The following TMEM256 variants were observed in gnomAD, a reference collection of about 807,000 sequenced individuals.
TMEM256 encodes the protein transmembrane protein 256.
TMEM256 carries 14 observed loss-of-function variants against 14.8 expected under a neutral mutation model. The observed-to-expected ratio is 0.95, with a 90% CI of 0.63 to 1.48. The LOEUF is 1.48. Among genes scored for constraint, TMEM256 ranks in the 40% most tolerant of loss-of-function variants. TMEM256 has a pLI of 0.00. For synonymous variants in TMEM256, 68 were observed against 60.7 expected, an observed-to-expected ratio of 1.12 and a Z score of -0.56; for missense variants, 146 against 137.9, an observed-to-expected ratio of 1.06 and a Z score of -0.30.
chr17:7,403,131 T>G lies in TMEM256; in HGVS notation c.277A>C (p.Ile93Leu), dbSNP rs1355868622. 1.9e-6 allele frequency: 3 copies of G among 1,614,200 alleles called. No individual in the cohort carries two copies. The highest frequency in any genetic ancestry group is 2.5e-6 in the Non-Finnish European group (3 of 1,180,034). ...YYQALSGDPS[I>L]QTLAPAGGTL... ...CCTCCCGCAGGGGCCAAAGTCTGGA[T>G]GCTGGGGTCTCCACTCAGAGCCTGG... Residue 93 changes from isoleucine to leucine, a missense_variant, in exon 4 of 4, where the codon ATC becomes CTC. Transcript: ENST00000302422.
chr17:7,403,780 G>A, intron 1 of TMEM256, 91 bp from the exon 2 acceptor site: 2 of 1,380,846 alleles, frequency 1.4e-6, no homozygotes, highest in Non-Finnish European at 2.0e-6. Flanking sequence ...TGGCGAGAAA[G>A]GGCACCCCCC....
At chr17:7,403,781 G>GGC in intron 1 of TMEM256, 92 bp from the exon 2 acceptor site, 1 of 1,330,052 alleles carries the variant, frequency 7.5e-7, no homozygotes, top group Non-Finnish European at 1.0e-6. Flanking sequence ...GGCGAGAAAG[G>GGC]GCACCCCCCC....
chr17:7,403,775 A>C, intron 1 of TMEM256, 86 bp from the exon 2 acceptor site: 7 of 1,414,994 alleles, frequency 4.9e-6, no homozygotes, highest in Middle Eastern at 1.9e-4. Flanking sequence ...GACATTGGCG[A>C]GAAAGGGCAC....
chr17:7,403,948 A>AC, intron 1 of TMEM256, 52 bp downstream of exon 1: 1 of 1,496,980 alleles, frequency 6.7e-7, no homozygotes, highest in South Asian at 1.3e-5. Flanking sequence ...CTTGCAGCAG[A>AC]CCCCAGAGGA....
At chr17:7,403,262 G>A (rs1473829006) in intron 3 of TMEM256, 48 bp downstream of exon 3, 8 of 1,614,206 alleles carry the variant, frequency 5.0e-6, no homozygotes, top group South Asian at 2.2e-5. Context: ...GGCAGGCTGA[G>A]AGGGAGTGTG....
Position 7,403,334 on chromosome 17 carries a change from C to A in TMEM256, c.174G>T (p.Val58=), listed in dbSNP as rs756620413. The A allele has an allele frequency of 6.2e-7, 1 of 1,614,196 alleles. No homozygotes were observed. Among genetic ancestry groups the A allele is most frequent in the Non-Finnish European group, 8.5e-7 (1 of 1,180,030 alleles). The part of the protein sequence containing the change: ...HFLHSLALLG[V]PHCRKPLWAG... ...CCCAGAGTGGCTTTCTGCAATGGGG[C>A]ACCCCTAACAGGGCCAGGCTGTGTA... is the stretch of plus-strand genomic sequence containing the variant. The change falls in exon 3 of 4, where the codon GTG becomes GTT. Residue 58 remains valine (V), a synonymous_variant. Transcript: ENST00000302422.
chr17:7,403,634 GGA>G, intron 2 of TMEM256, 22 bp downstream of exon 2: 1 of 1,614,014 alleles, frequency 6.2e-7, no homozygotes, highest in Non-Finnish European at 8.5e-7. Context: ...CACGAGTCAG[GGA>G]GCCCCAGCGC....
At chr17:7,403,549 A>G in intron 2 of TMEM256, 109 bp downstream of exon 2, 1 of 1,549,502 alleles carries the variant, frequency 6.5e-7, no homozygotes, top group East Asian at 2.3e-5. Context: ...TTGCTGCTCC[A>G]GAGATCCGCG....
intron 1 of TMEM256, 132 bp downstream of exon 1, chr17:7,403,868 C>T (rs1211507487): frequency 4.6e-6 from 6 of 1,302,880 alleles, no homozygotes; most frequent in Non-Finnish European, 5.2e-6. Flanking sequence ...AGCTGGGGGA[C>T]TTTAAAAGGT....
Position 7,403,315 on chromosome 17 carries a change from G to A in TMEM256, c.193C>T (p.Leu65Phe), listed in dbSNP as rs1342335319. Residue 65 changes from leucine (L) to phenylalanine (F), a missense_variant, in exon 3 of 4, where the codon CTC (leucine) becomes TTC (phenylalanine). Coordinates refer to ENST00000302422, the MANE Select transcript of TMEM256 (RefSeq NM_152766.5). ...LLGVPHCRKP[L>F]WAGLLLASGT... is the part of the protein sequence containing the mutation. ...TAGGCGCAGGGAAAGATTACCCAGA[G>A]TGGCTTTCTGCAATGGGGCACCCCT... The A allele has an allele frequency of 6.2e-7, 1 of 1,614,218 alleles. No individual in the cohort carries two copies. The highest frequency in any genetic ancestry group is 8.5e-7 in the Non-Finnish European group (1 of 1,180,038).
rs762063272 is a variant in TMEM256 at position 7,404,063 on chromosome 17, A to T, written c.22T>A (p.Phe8Ile). MAGPAAA[F>I]RRLGALSGAA... ...CCGGACAAGGCGCCCAAGCGGCGGA[A>T]AGCTGCAGCTGGCCCGGCCATAGCT... Residue 8 changes from phenylalanine to isoleucine, a missense_variant, in exon 1 of 4, where the codon TTC becomes ATC. Physicochemically the swap from Phe to Ile is conservative, Grantham distance 21. Transcript: ENST00000302422. 28 of 1,598,220 alleles carry T rather than the reference A, an allele frequency of 1.8e-5. No homozygotes were observed. The highest frequency in any genetic ancestry group is 7.9e-5 in the South Asian group (7 of 88,556).
chr17:7,403,940 T>C, intron 1 of TMEM256, 60 bp downstream of exon 1: 2 of 1,491,764 alleles, frequency 1.3e-6, no homozygotes, highest in Non-Finnish European at 1.8e-6. Context: ...GTTACGCCCT[T>C]GCAGCAGACC....
At chr17:7,403,779 A>AGGGGGGGGGGGGGGG in intron 1 of TMEM256, 90 bp from the exon 2 acceptor site, 1 of 1,306,684 alleles carries the variant, frequency 7.7e-7, no homozygotes, top group Non-Finnish European at 1.0e-6. Flanking sequence ...TTGGCGAGAA[A>AGGGGGGGGGGGGGGG]GGGCACCCCC....
intron 2 of TMEM256, 55 bp from the exon 3 acceptor site, chr17:7,403,445 C>A (rs1401065710): frequency 6.4e-7 from 1 of 1,567,610 alleles, no homozygotes; most frequent in Non-Finnish European, 8.8e-7. Flanking sequence ...TACTGAGATC[C>A]CCTGATGACA....
intron 2 of TMEM256, 75 bp from the exon 3 acceptor site, chr17:7,403,465 A>G: frequency 6.6e-7 from 1 of 1,515,090 alleles, no homozygotes; most frequent in Admixed American, 1.7e-5. Context: ...ACAAGGGACC[A>G]AAGTTCCTTC....
At chr17:7,403,280 T>C in intron 3 of TMEM256, 30 bp downstream of exon 3, 1 of 1,609,094 alleles carries the variant, frequency 6.2e-7, no homozygotes. Context: ...GTGTGGGGCT[T>C]GGTCAGGGTT....
chr17:7,403,877 G>A (rs1906462524), intron 1 of TMEM256, 123 bp downstream of exon 1: 1 of 1,326,118 alleles, frequency 7.5e-7, no homozygotes, highest in Non-Finnish European at 1.0e-6. Flanking sequence ...ACTTTAAAAG[G>A]TTTAGGGCTC....
chr17:7,403,235 A>C, intron 3 of TMEM256, 26 bp from the exon 4 acceptor site: 1 of 1,614,164 alleles, frequency 6.2e-7, no homozygotes, highest in Non-Finnish European at 8.5e-7. Flanking sequence ...CACAGAAAAC[A>C]GGATTGTTAA....
chr17:7,404,049 G>A lies in TMEM256; in HGVS notation c.36C>T (p.Gly12=), dbSNP rs1183987889. ...CTAAGGCCGCAGCTCCGGACAAGGC[G>A]CCCAAGCGGCGGAAAGCTGCAGCTG... The part of the protein sequence containing the change: ...AGPAAAFRRL[G]ALSGAAALGF... The change falls in exon 1 of 4, where the codon GGC becomes GGT. Residue 12 remains glycine, a synonymous_variant. Coordinates refer to ENST00000302422, the MANE Select transcript of TMEM256 (RefSeq NM_152766.5). 5.0e-6 allele frequency: 8 copies of A among 1,600,880 alleles called. No homozygotes were observed. The highest frequency in any genetic ancestry group is 6.8e-6 in the Non-Finnish European group (8 of 1,173,916).
Sources: allele counts gnomAD v4.1 joint callset, GRCh38; gene constraint gnomAD v4.1.1; transcripts MANE v1.5; gene names NCBI Gene and HGNC (gene_info 2026-07-23, HGNC 2026-07-21).